The following TMTC2 variants were observed in gnomAD, a reference collection of about 807,000 sequenced individuals.
TMTC2 encodes the protein transmembrane O-mannosyltransferase targeting cadherins 2.
TMTC2 carries 43 observed loss-of-function variants against 82.4 expected under a neutral mutation model. That is an observed-to-expected ratio of 0.52 (90% CI 0.41 to 0.67). TMTC2 has a LOEUF of 0.67. Ranked by LOEUF, TMTC2 falls within the 30% of genes least tolerant of loss-of-function variation. The probability of loss-of-function intolerance (pLI) is 0.00; values close to 1 mark genes in which losing one functional copy is unlikely to be tolerated. For missense variants in TMTC2, 919 were observed against 1,012.4 expected, an observed-to-expected ratio of 0.91 and a Z score of 1.25; for synonymous variants, 408 against 381.9, an observed-to-expected ratio of 1.07 and a Z score of -0.80.
intron 4 of TMTC2, among the ~76,000 whole-genome samples, chr12:82,951,815 C>T (rs922555035): frequency 1.3e-5 from 2 of 152,136 alleles, no homozygotes; most frequent in African/African-American, 4.8e-5. Context: ...TTTACATTTG[C>T]ATCCTCTATT....
chr12:82,958,448 C>T (rs1430507520), intron 4 of TMTC2, among the ~76,000 whole-genome samples: 2 of 148,458 alleles, frequency 1.3e-5, no homozygotes, highest in African/African-American at 5.0e-5. Flanking sequence ...TACTAGTAAA[C>T]TGAATTGTGC....
intron 11 of TMTC2, among the ~76,000 whole-genome samples, chr12:83,094,544 A>G (rs1386307539): frequency 2.0e-5 from 3 of 152,022 alleles, no homozygotes; most frequent in Admixed American, 1.3e-4. Context: ...TATTTGTTCC[A>G]TTTGCATTGT....
At chr12:83,035,094 T>C (rs145764229) in intron 9 of TMTC2, among the ~76,000 whole-genome samples, 10 of 152,322 alleles carry the variant, frequency 6.6e-5, no homozygotes, top group African/African-American at 2.2e-4. Flanking sequence ...ATCCACTCTC[T>C]TGTGTGATTT....
Position 82,825,212 on chromosome 12 carries a change from C to T in TMTC2, c.84-31798C>T, listed in dbSNP as rs190580755. 1.8e-4 allele frequency among the ~76,000 whole-genome samples: 28 copies of T among 152,114 alleles called. No individual in the cohort carries two copies. In the East Asian group the frequency reaches 5.2e-3, roughly 28 times the overall value. The stretch of plus-strand genomic sequence containing the variant: ...TAAGAGGACTTCCTTAAATTGATTC[C>T]AAGTTGACATCCACAGTAAGTTTTA... On this transcript the variant is annotated intron_variant, in intron 1 of 11. Transcript: ENST00000321196.
At chr12:82,913,242 C>T (rs1324878795) in intron 3 of TMTC2, among the ~76,000 whole-genome samples, 1 of 152,154 alleles carries the variant, frequency 6.6e-6, no homozygotes, top group Non-Finnish European at 1.5e-5. Flanking sequence ...GATGAAGTCA[C>T]TAAAGTCCTA....
chr12:82,826,317 G>A (rs573732385), intron 1 of TMTC2, among the ~76,000 whole-genome samples: 1 of 152,190 alleles, frequency 6.6e-6, no homozygotes, highest in South Asian at 2.1e-4. Flanking sequence ...GCATACTGAT[G>A]TGTGGTGTTC....
intron 3 of TMTC2, among the ~76,000 whole-genome samples, chr12:82,921,186 A>G (rs185895189): frequency 5.3e-5 from 8 of 152,246 alleles, no homozygotes; most frequent in African/African-American, 1.9e-4. Context: ...ATTAAAACAT[A>G]TTAAGTACCA....
At position 82,687,292 on chromosome 12, in the gene TMTC2, T is replaced by C. The variant is rs920502544; in HGVS notation, c.-295T>C. The C allele has an allele frequency of 4.1e-6, 2 of 493,738 alleles. No homozygotes were observed. The highest frequency in any genetic ancestry group is 6.9e-5 in the Admixed American group (2 of 29,130). The allele number at this position is 493,738 out of a possible 1,614,324, so 30.6% of individuals were successfully genotyped here. ...CGCGACCCGCGCGAAAGACCAGCCC[T>C]GCGCTTCCGCCGGGGGACGCGGAGC... On this transcript the variant is annotated 5_prime_UTR_variant, in exon 1 of 12. Transcript: ENST00000321196.
At chr12:82,920,635 AT>A (rs922223989) in intron 3 of TMTC2, among the ~76,000 whole-genome samples, 4 of 151,952 alleles carry the variant, frequency 2.6e-5, no homozygotes, top group Non-Finnish European at 4.4e-5. Context: ...TCACTTCTTG[AT>A]TTTTTTTAGC....
At chr12:83,003,991 C>T (rs1880037278) in intron 8 of TMTC2, among the ~76,000 whole-genome samples, 1 of 152,168 alleles carries the variant, frequency 6.6e-6, no homozygotes, top group African/African-American at 2.4e-5. Flanking sequence ...CTCTCCTTCT[C>T]TCTCAGGAAT....
chr12:82,892,122 T>G (rs1346825326), intron 2 of TMTC2, among the ~76,000 whole-genome samples: 2 of 152,194 alleles, frequency 1.3e-5, no homozygotes, highest in Admixed American at 6.5e-5. Context: ...GAACTCACCA[T>G]TAAGTTAGAA....
chr12:82,794,857 G>A (rs938355448), intron 1 of TMTC2, among the ~76,000 whole-genome samples: 3 of 152,132 alleles, frequency 2.0e-5, no homozygotes, highest in African/African-American at 7.2e-5. Flanking sequence ...TTTATATAAA[G>A]CTACCAATAG....
rs1266398111 is a variant in TMTC2 at position 82,985,936 on chromosome 12, A to G, written c.1960A>G (p.Met654Val). The change falls in exon 8 of 12, where the codon ATG (methionine) becomes GTG (valine). Residue 654 changes from methionine to valine, a missense_variant. Coordinates refer to ENST00000321196, the MANE Select transcript of TMTC2 (RefSeq NM_152588.3). ...SLYNMMGEAYMRLSKLPEAEH... is the reference protein window; with the variant it reads ...SLYNMMGEAYVRLSKLPEAEH... ...AATTCTCTTTCCAGGTGAAGCATAT[A>G]TGCGTTTAAGCAAACTCCCCGAAGC... 8.7e-6 allele frequency: 14 copies of G among 1,613,586 alleles called. No individual in the cohort carries two copies. Among genetic ancestry groups the G allele is most frequent in the Non-Finnish European group, 8.5e-6 (10 of 1,179,696 alleles).
chr12:82,801,312 C>T (rs532207620), intron 1 of TMTC2, among the ~76,000 whole-genome samples: 46 of 152,044 alleles, frequency 3.0e-4, no homozygotes, highest in African/African-American at 1.1e-3. Context: ...AGTGAAACTG[C>T]AGATCTTCAC....
intron 3 of TMTC2, among the ~76,000 whole-genome samples, chr12:82,924,740 G>A (rs539894049): frequency 3.3e-5 from 5 of 152,188 alleles, no homozygotes; most frequent in East Asian, 3.9e-4. Flanking sequence ...CTAGATTACC[G>A]CAGTTGCCTT....
chr12:82,951,167 C>T (rs532115514), intron 4 of TMTC2, among the ~76,000 whole-genome samples: 42 of 152,256 alleles, frequency 2.8e-4, no homozygotes, highest in Non-Finnish European at 4.6e-4. Flanking sequence ...AATCATGTGC[C>T]CTTATTTACC....
chr12:82,713,788 A>C (rs1022619588), intron 1 of TMTC2, among the ~76,000 whole-genome samples: 1 of 152,208 alleles, frequency 6.6e-6, no homozygotes, highest in Admixed American at 6.5e-5. Context: ...CTGTGTGAAA[A>C]AACACAGGAG....
intron 3 of TMTC2, among the ~76,000 whole-genome samples, chr12:82,917,492 A>G (rs1025392274): frequency 1.3e-5 from 2 of 152,056 alleles, no homozygotes; most frequent in African/African-American, 4.8e-5. Context: ...TTCTTCTTCT[A>G]TTAATAGTAC....
intron 4 of TMTC2, among the ~76,000 whole-genome samples, chr12:82,936,464 A>G (rs2137252951): frequency 6.6e-6 from 1 of 152,308 alleles, no homozygotes; most frequent in East Asian, 1.9e-4. Context: ...GGCCAGTTAC[A>G]CAACAAATAT....
Sources: gnomAD v4.1 joint callset for allele counts (sites outside exome capture counted in the v4.1 genomes callset) on GRCh38, gnomAD v4.1.1 for gene constraint, MANE v1.5 for transcripts, NCBI Gene and HGNC (gene_info 2026-07-23, HGNC 2026-07-21) for gene names.